Variants in ENOX1 observed in about 807,000 individuals in gnomAD.
ENOX1 encodes candidate growth-related and time keeping constitutive hydroquinone (NADH) oxidase.
In ENOX1, 42 loss-of-function variants were observed where a neutral mutation model predicts 82.5. The ratio of observed to expected loss-of-function variants is 0.51; its 90% CI spans 0.40 to 0.66. The LOEUF (loss-of-function observed/expected upper bound fraction) is 0.66. Among genes scored for constraint, ENOX1 ranks in the 30% least tolerant of loss-of-function variants. The pLI is 0.00. For missense variants in ENOX1, 608 were observed against 811.6 expected (o/e 0.75, Z 3.05); for synonymous variants, 271 against 282.2 (o/e 0.96, Z 0.40).
At chr13:43,373,804 G>C (rs2051414652) in intron 5 of ENOX1, among the ~76,000 whole-genome samples, 1 of 152,188 alleles carries the variant, frequency 6.6e-6, no homozygotes, top group Non-Finnish European at 1.5e-5. Flanking sequence ...AATTCCAGGG[G>C]CGAATTTTTC....
chr13:43,567,603 T>C (rs1172373738), intron 2 of ENOX1, among the ~76,000 whole-genome samples: 2 of 151,872 alleles, frequency 1.3e-5, no homozygotes, highest in African/African-American at 2.4e-5. Context: ...TTATGAAAAA[T>C]AGGGGAAAGA....
At chr13:43,448,312 C>A (rs953498298) in intron 3 of ENOX1, among the ~76,000 whole-genome samples, 1 of 152,256 alleles carries the variant, frequency 6.6e-6, no homozygotes, top group East Asian at 1.9e-4. Context: ...TACCATTGTA[C>A]CTAAATAGGA....
At chr13:43,406,803 T>C (rs2053829324) in intron 5 of ENOX1, among the ~76,000 whole-genome samples, 1 of 152,086 alleles carries the variant, frequency 6.6e-6, no homozygotes, top group African/African-American at 2.4e-5. Context: ...AAGTATGATG[T>C]CTTTTTGGAA....
intron 12 of ENOX1, among the ~76,000 whole-genome samples, chr13:43,283,987 T>C (rs1182765991): frequency 6.6e-6 from 1 of 152,180 alleles, no homozygotes; most frequent in Non-Finnish European, 1.5e-5. Flanking sequence ...TTTATTTTAG[T>C]TATTTTTGGC....
At chr13:43,551,689 C>T (rs764665573) in intron 2 of ENOX1, among the ~76,000 whole-genome samples, 7 of 152,076 alleles carry the variant, frequency 4.6e-5, no homozygotes, top group Non-Finnish European at 8.8e-5. Flanking sequence ...ATTTAAATTT[C>T]ACCCGATCAT....
At chr13:43,334,618 C>T (rs1423594842) in intron 9 of ENOX1, among the ~76,000 whole-genome samples, 5 of 152,146 alleles carry the variant, frequency 3.3e-5, no homozygotes, top group Admixed American at 3.3e-4. Flanking sequence ...TCAATGCAAA[C>T]AAGCCAAACA....
At chr13:43,727,060 C>G (rs1202279844) in intron 1 of ENOX1, among the ~76,000 whole-genome samples, 1 of 152,068 alleles carries the variant, frequency 6.6e-6, no homozygotes, top group Non-Finnish European at 1.5e-5. Context: ...AAGTGATGCA[C>G]CGAAGAACAC....
At chr13:43,475,878 T>C (rs747865126) in intron 3 of ENOX1, among the ~76,000 whole-genome samples, 13 of 149,934 alleles carry the variant, frequency 8.7e-5, no homozygotes, top group South Asian at 2.1e-4. Context: ...CTCTAAGATA[T>C]ACAGCTCTTA....
chr13:43,494,207 C>T (rs969756324), intron 2 of ENOX1, among the ~76,000 whole-genome samples: 3 of 152,106 alleles, frequency 2.0e-5, no homozygotes, highest in Non-Finnish European at 4.4e-5. Flanking sequence ...CACACTGACA[C>T]CCAATCAACC....
At chr13:43,398,770 T>C (rs1002673074) in intron 5 of ENOX1, among the ~76,000 whole-genome samples, 1 of 150,528 alleles carries the variant, frequency 6.6e-6, no homozygotes, top group African/African-American at 2.5e-5. Flanking sequence ...GCTTGATGAA[T>C]AGTAAATGTA....
chr13:43,371,539 T>C (rs185967033), intron 5 of ENOX1, among the ~76,000 whole-genome samples: 146 of 152,320 alleles, frequency 9.6e-4, no homozygotes, highest in African/African-American at 3.3e-3. Context: ...GAAACTTCCC[T>C]TTGAAACCTG....
chr13:43,215,031 G>A (rs554335064), intron 16 of ENOX1, among the ~76,000 whole-genome samples: 1 of 152,328 alleles, frequency 6.6e-6, no homozygotes, highest in South Asian at 2.1e-4. Context: ...AATAAGGATA[G>A]CATGAAAATT....
At chr13:43,461,490 G>A (rs971730671) in intron 3 of ENOX1, among the ~76,000 whole-genome samples, 2 of 152,110 alleles carry the variant, frequency 1.3e-5, no homozygotes, top group Non-Finnish European at 2.9e-5. Context: ...AGGCACCGTG[G>A]GGTATAATGA....
chr13:43,331,692 G>A (rs935107349), intron 9 of ENOX1, among the ~76,000 whole-genome samples: 4 of 152,180 alleles, frequency 2.6e-5, no homozygotes, highest in Non-Finnish European at 5.9e-5. Context: ...GCTGGAATTG[G>A]TGAGCCTTGG....
intron 2 of ENOX1, among the ~76,000 whole-genome samples, chr13:43,558,866 G>A (rs2079550369): frequency 6.6e-6 from 1 of 152,138 alleles, no homozygotes; most frequent in Non-Finnish European, 1.5e-5. Flanking sequence ...ATATCTTTCT[G>A]ATAAGAGTAT....
At chr13:43,469,154 A>G (rs998210020) in intron 3 of ENOX1, among the ~76,000 whole-genome samples, 1 of 152,074 alleles carries the variant, frequency 6.6e-6, no homozygotes, top group Non-Finnish European at 1.5e-5. Flanking sequence ...TTATATTCCT[A>G]GTTTGTTGAG....
chr13:43,444,582 T>C (rs73471878), intron 3 of ENOX1, among the ~76,000 whole-genome samples: 2,585 of 152,328 alleles, frequency 0.017, 80 homozygotes, highest in African/African-American at 0.059. Flanking sequence ...GTGACCCGTT[T>C]CACAGTGCCT....
Position 43,541,269 on chromosome 13 carries a change from C to T in ENOX1, c.-218-57117G>A, listed in dbSNP as rs567277689. Among the ~76,000 whole-genome samples the T allele has an allele frequency of 6.5e-5, 9 of 139,244 alleles. 1 individual carries two copies. In the South Asian group the frequency reaches 1.8e-3, roughly 28 times the overall value. 91.3% of individuals were successfully genotyped at this position (139,244 alleles called of 152,430 possible). On this transcript the variant is annotated intron_variant, in intron 2 of 16. Coordinates refer to ENST00000690772, the MANE Select transcript of ENOX1 (RefSeq NM_001347969.2). ...ATCCTAGCATTTTGGGAGGCCAGGG[C>T]AGGGGGATTGGTTGAGGTCAGGAGT...
chr13:43,308,184 A>G lies in ENOX1; in HGVS notation c.1262-9654T>C, dbSNP rs547742190. ...CCCTTTTCAAGCCGCCCTTTTTTCC[A>G]GTGAACCAGAGGATACTCCAAATGT... On this transcript the variant is annotated intron_variant, in intron 11 of 16. Coordinates refer to ENST00000690772, the MANE Select transcript of ENOX1 (RefSeq NM_001347969.2). Among the ~76,000 whole-genome samples the G allele has an allele frequency of 2.0e-5, 3 of 152,120 alleles. No individual in the cohort carries two copies. In the East Asian group the frequency reaches 5.8e-4, roughly 29 times the overall value.
Sources: allele counts gnomAD v4.1 joint callset (sites outside exome capture counted in the v4.1 genomes callset), GRCh38; gene constraint gnomAD v4.1.1; transcripts MANE v1.5; gene names NCBI Gene and HGNC (gene_info 2026-07-23, HGNC 2026-07-21).